XCR1: variants seen among roughly 807,000 people sequenced by gnomAD.
XCR1 encodes the protein chemokine XC receptor 1.
For synonymous variants in XCR1, 187 were observed against 188.5 expected (o/e 0.99, Z 0.06); for missense variants, 356 against 424.2 (o/e 0.84, Z 1.41).
At chr3:46,032,783 G>T (rs77352951) in intron 5 of XCR1, among the ~76,000 whole-genome samples, 2 of 152,296 alleles carry the variant, frequency 1.3e-5, no homozygotes, top group East Asian at 3.9e-4. Flanking sequence ...CCACATTCAC[G>T]TTAGCATTTG....
intron 4 of XCR1, among the ~76,000 whole-genome samples, chr3:46,057,902 A>G (rs140238248): frequency 9.2e-5 from 13 of 140,724 alleles, no homozygotes; most frequent in African/African-American, 3.6e-4. Context: ...CTATCTATCT[A>G]TCTATCTATC....
At chr3:46,074,180 A>G (rs1210526464) in intron 3 of XCR1, among the ~76,000 whole-genome samples, 1 of 151,322 alleles carries the variant, frequency 6.6e-6, no homozygotes, top group Admixed American at 6.6e-5. Flanking sequence ...TTATTCAGCC[A>G]TAAAGCAGCA....
rs749659123 is a variant in XCR1 at position 46,057,878 on chromosome 3, G to GTCTGTCTGTCTATCTA, written c.-182-3809_-182-3808insTAGATAGACAGACAGA. Among the ~76,000 whole-genome samples, 497 of 124,268 alleles carry GTCTGTCTGTCTATCTA rather than the reference G, an allele frequency of 4.0e-3. 4 individuals are homozygous for GTCTGTCTGTCTATCTA. Among genetic ancestry groups the GTCTGTCTGTCTATCTA allele is most frequent in the East Asian group, 0.013 (59 of 4,496 alleles). 81.5% of individuals were successfully genotyped at this position (124,268 alleles called of 152,430 possible). A position where few individuals can be genotyped will look rare whatever the true frequency, so the allele number is the denominator to read the frequency against. ...TCTAGTACCTATTATCATCTTATCT[G>GTCTGTCTGTCTATCTA]TCTGTCTATCTATCTATCTATCTAT... On this transcript the variant is annotated intron_variant, in intron 4 of 5. Transcript: ENST00000683768.
At chr3:46,084,076 G>A (rs1698427748) in intron 1 of XCR1, among the ~76,000 whole-genome samples, 2 of 152,158 alleles carry the variant, frequency 1.3e-5, no homozygotes, top group African/African-American at 4.8e-5. Context: ...TGGCGATGAT[G>A]GAGCAAACAA....
chr3:46,018,672 T>G lies in XCR1; in HGVS notation c.*2274A>C, dbSNP rs1026823897. 2.0e-5 allele frequency: 3 copies of G among 152,204 alleles called. No individual in the cohort carries two copies. The highest frequency in any genetic ancestry group is 7.2e-5 in the African/African-American group (3 of 41,462). The allele number at this position is 152,204 out of a possible 1,614,324, so 9.4% of individuals were successfully genotyped here. A position where few individuals can be genotyped will look rare whatever the true frequency, so the allele number is the denominator to read the frequency against. On this transcript the variant is annotated 3_prime_UTR_variant, in exon 2 of 2. Coordinates refer to ENST00000309285, the MANE Select transcript of XCR1 (RefSeq NM_001024644.2). ...CATTATTAAAACTAGGCCCTGGCTC[T>G]TCCCTAGACCGATAAACTCCTCCAG... is the stretch of plus-strand genomic sequence containing the variant.
At chr3:46,085,167 C>G (rs1212203106) in intron 1 of XCR1, among the ~76,000 whole-genome samples, 1 of 149,178 alleles carries the variant, frequency 6.7e-6, no homozygotes, top group Non-Finnish European at 1.5e-5. Context: ...ATAGCTAATA[C>G]ATGGAGCAGC....
chr3:46,024,021 G>A, intron 1 of XCR1: 5 of 1,328,100 alleles, frequency 3.8e-6, no homozygotes, highest in Non-Finnish European at 2.2e-6. Flanking sequence ...CCTCAACCTG[G>A]CAGAAGTTTG....
At chr3:46,076,777 G>A (rs1332201360) in exon 2 of XCR1, among the ~76,000 whole-genome samples, 3 of 152,048 alleles carry the variant, frequency 2.0e-5, no homozygotes, top group Admixed American at 2.0e-4. Context: ...TCACTTTCCA[G>A]ATGCTAGAGA....
In XCR1 at chr3:46,078,112, G is replaced by A. The variant is rs181744240; in HGVS notation, c.-514-1186C>T. Reference sequence around the variant, plus strand: ...GTTGAAATTATTTTTTAAAAAGCCTGCTCGCAACAAAGGCTGGATGCGGCA... The same window carrying A: ...GTTGAAATTATTTTTTAAAAAGCCTACTCGCAACAAAGGCTGGATGCGGCA... On this transcript the variant is annotated intron_variant, in intron 1 of 5. Coordinates refer to the XCR1 transcript ENST00000683768. Among the ~76,000 whole-genome samples the A allele has an allele frequency of 1.1e-3, 175 of 152,276 alleles. 1 individual carries two copies. The highest frequency in any genetic ancestry group is 6.8e-3 in the Middle Eastern group (2 of 294).
chr3:46,075,844 T>G (rs763885709), intron 2 of XCR1, among the ~76,000 whole-genome samples: 1 of 152,172 alleles, frequency 6.6e-6, no homozygotes, highest in African/African-American at 2.4e-5. Flanking sequence ...AAGACCATGA[T>G]AAGATATTAT....
In XCR1 at chr3:46,047,036, T is replaced by TAGAATCGTGGATTTCAA. The variant is rs1553633205; in HGVS notation, c.-32+6883_-32+6884insTTGAAATCCACGATTCT. 2.0e-5 allele frequency among the ~76,000 whole-genome samples: 3 copies of TAGAATCGTGGATTTCAA among 152,016 alleles called. No homozygotes were observed. The East Asian group carries it at 5.8e-4, about 29-fold the overall frequency. On this transcript the variant is annotated intron_variant, in intron 5 of 5. Coordinates refer to the XCR1 transcript ENST00000683768. The stretch of plus-strand genomic sequence containing the variant: ...AAGCTTTGTGCTTTTCCCCTAACCA[T>TAGAATCGTGGATTTCAA]AGAACCGTGGATTTCAACATTGCCA...
rs1708156584 is a variant in XCR1, at chr3:46,021,700, A to C, written c.248T>G (p.Leu83Trp). The C allele has an allele frequency of 6.2e-7, 1 of 1,613,988 alleles. No homozygotes were observed. The highest frequency in any genetic ancestry group is 8.5e-7 in the Non-Finnish European group (1 of 1,180,018). ...LCLSDLVFAC[L>W]LPVWISPYHW... is the part of the protein sequence containing the mutation. Reference sequence around the variant, plus strand: ...GTATGGGGAGATCCACACAGGCAACAAGCAGGCGAACACCAGGTCTGAGAG... The same window carrying C: ...GTATGGGGAGATCCACACAGGCAACCAGCAGGCGAACACCAGGTCTGAGAG... The change falls in exon 2 of 2, where the codon TTG (leucine) becomes TGG (tryptophan). Residue 83 changes from leucine (L) to tryptophan (W), a missense_variant. Transcript: ENST00000309285. The surrounding 1 kb of genome is among the most constrained non-coding windows in gnomAD (Gnocchi z 4.7).
intron 3 of XCR1, among the ~76,000 whole-genome samples, chr3:46,069,629 A>G (rs968525506): frequency 6.6e-6 from 1 of 152,220 alleles, no homozygotes; most frequent in African/African-American, 2.4e-5. Context: ...TGTATGTTAT[A>G]TGTATTACAT....
At chr3:46,058,257 G>A (rs1697891771) in intron 4 of XCR1, among the ~76,000 whole-genome samples, 1 of 152,144 alleles carries the variant, frequency 6.6e-6, no homozygotes, top group Admixed American at 6.5e-5. Context: ...AGGTTCTGGT[G>A]ATCATGTATT....
At chr3:46,081,360 T>C (rs998795552) in intron 1 of XCR1, among the ~76,000 whole-genome samples, 1 of 152,198 alleles carries the variant, frequency 6.6e-6, no homozygotes, top group Non-Finnish European at 1.5e-5. Context: ...ACCAGCTCTC[T>C]CTCTTCAAAA....
intron 4 of XCR1, among the ~76,000 whole-genome samples, chr3:46,061,014 G>C (rs889453161): frequency 6.6e-6 from 1 of 152,208 alleles, no homozygotes; most frequent in Non-Finnish European, 1.5e-5. Context: ...GGAATACCAT[G>C]ATGGTGGAAA....
At chr3:46,037,871 A>G (rs993643090) in intron 5 of XCR1, among the ~76,000 whole-genome samples, 4 of 152,132 alleles carry the variant, frequency 2.6e-5, no homozygotes, top group Non-Finnish European at 2.9e-5. Flanking sequence ...TATATTTGCT[A>G]TTTTGCATAG....
intron 3 of XCR1, among the ~76,000 whole-genome samples, chr3:46,070,222 A>G (rs1698143131): frequency 1.3e-5 from 2 of 152,118 alleles, no homozygotes; most frequent in Non-Finnish European, 2.9e-5. Context: ...ATCTTGGAGA[A>G]TGTTCCATAT....
intron 4 of XCR1, among the ~76,000 whole-genome samples, chr3:46,056,424 A>G (rs369072451): frequency 4.6e-5 from 7 of 152,280 alleles, no homozygotes; most frequent in African/African-American, 1.7e-4. Flanking sequence ...GACAAATTTA[A>G]AACTTGGGGG....
Sources: allele counts gnomAD v4.1 joint callset (sites outside exome capture counted in the v4.1 genomes callset), GRCh38; gene constraint gnomAD v4.1.1; non-coding constraint Gnocchi (gnomAD v3.1); transcripts MANE v1.5; gene names NCBI Gene and HGNC (gene_info 2026-07-23, HGNC 2026-07-21).